CCSER1: variants seen among roughly 807,000 people sequenced by gnomAD.
CCSER1 encodes serine-rich coiled-coil domain-containing protein 1.
A neutral mutation model predicts 82.0 loss-of-function variants in CCSER1; 41 were observed. The ratio of observed to expected loss-of-function variants is 0.50; its 90% CI spans 0.39 to 0.65. The LOEUF is 0.65. Ranked by LOEUF, CCSER1 falls within the 30% of genes least tolerant of loss-of-function variation. The pLI is 0.00. For missense variants in CCSER1, 1,119 were observed against 1,064.2 expected, an observed-to-expected ratio of 1.05 and a Z score of -0.72; for synonymous variants, 414 against 383.9, an observed-to-expected ratio of 1.08 and a Z score of -0.92.
chr4:90,494,239 A>G (rs10010235), intron 5 of CCSER1, among the ~76,000 whole-genome samples: 2 of 152,204 alleles, frequency 1.3e-5, no homozygotes, highest in African/African-American at 4.8e-5. Flanking sequence ...TATGCACCCA[A>G]TACAGGAGCA....
intron 1 of CCSER1, among the ~76,000 whole-genome samples, chr4:90,299,797 C>G (rs934023904): frequency 1.3e-5 from 2 of 152,086 alleles, no homozygotes; most frequent in Admixed American, 6.6e-5. Flanking sequence ...CAAGTGTGAG[C>G]CCTGTTTAAA....
intron 10 of CCSER1, among the ~76,000 whole-genome samples, chr4:91,174,406 C>T (rs1183846916): frequency 2.6e-5 from 4 of 152,130 alleles, no homozygotes; most frequent in East Asian, 1.9e-4. Context: ...TTCCAAAAAA[C>T]ATGACAGAGA....
At chr4:90,716,489 G>T (rs1047120870) in intron 6 of CCSER1, among the ~76,000 whole-genome samples, 1 of 152,012 alleles carries the variant, frequency 6.6e-6, no homozygotes, top group African/African-American at 2.4e-5. Context: ...ACTTTTGTTA[G>T]CCAATTCTAA....
At chr4:91,354,704 G>A (rs560673956) in intron 10 of CCSER1, among the ~76,000 whole-genome samples, 2 of 152,302 alleles carry the variant, frequency 1.3e-5, no homozygotes, top group South Asian at 2.1e-4. Context: ...TTTGGGCTGG[G>A]AATTCATCAG....
intron 10 of CCSER1, among the ~76,000 whole-genome samples, chr4:91,376,970 A>G (rs946748913): frequency 1.1e-4 from 17 of 148,292 alleles, no homozygotes; most frequent in Non-Finnish European, 1.9e-4. Context: ...TCATTGTTCA[A>G]TTCCCACCTA....
intron 3 of CCSER1, among the ~76,000 whole-genome samples, chr4:90,387,831 G>A (rs1750297052): frequency 6.6e-6 from 1 of 152,078 alleles, no homozygotes; most frequent in Non-Finnish European, 1.5e-5. Context: ...TTTTCCCTTG[G>A]CTGGTATTTT....
intron 6 of CCSER1, among the ~76,000 whole-genome samples, chr4:90,690,445 G>A (rs1735614037): frequency 6.6e-6 from 1 of 152,032 alleles, no homozygotes; most frequent in South Asian, 2.1e-4. Context: ...TCAGTGTCTT[G>A]TGTTTGCTTT....
chr4:90,383,110 G>A (rs896312675), intron 3 of CCSER1, among the ~76,000 whole-genome samples: 20 of 152,062 alleles, frequency 1.3e-4, no homozygotes, highest in African/African-American at 3.1e-4. Context: ...AATGTTGACC[G>A]TAGCCAATGA....
chr4:91,358,578 A>G (rs1266420033), intron 10 of CCSER1, among the ~76,000 whole-genome samples: 1 of 152,066 alleles, frequency 6.6e-6, no homozygotes. Context: ...GTATCCAGCA[A>G]TTCAAGTCAA....
intron 10 of CCSER1, among the ~76,000 whole-genome samples, chr4:91,367,012 A>T (rs1348592166): frequency 3.3e-5 from 5 of 151,598 alleles, no homozygotes; most frequent in Non-Finnish European, 7.4e-5. Flanking sequence ...AAATATTAAG[A>T]GCTGAGCACA....
chr4:90,307,306 A>G (rs1734477796), intron 1 of CCSER1, among the ~76,000 whole-genome samples: 1 of 151,812 alleles, frequency 6.6e-6, no homozygotes. Context: ...TATGCTTCTG[A>G]TTCTCTCAGT....
chr4:90,400,548 A>G (rs1561168407), intron 4 of CCSER1, among the ~76,000 whole-genome samples: 1 of 152,136 alleles, frequency 6.6e-6, no homozygotes, highest in Non-Finnish European at 1.5e-5. Context: ...CACTTCCTAC[A>G]TAGGTTAATG....
chr4:90,454,765 A>G (rs955677361), intron 4 of CCSER1, among the ~76,000 whole-genome samples: 7 of 152,154 alleles, frequency 4.6e-5, no homozygotes, highest in Admixed American at 3.9e-4. Flanking sequence ...TTCTTCCAGG[A>G]GAGTTAAAAT....
chr4:91,435,918 A>G (rs368592560), intron 10 of CCSER1, among the ~76,000 whole-genome samples: 24 of 152,242 alleles, frequency 1.6e-4, no homozygotes, highest in East Asian at 7.7e-4. Flanking sequence ...ACTGGAACGC[A>G]ACATCATAAG....
rs530348182 is a variant in CCSER1, at chr4:90,405,089, G to A, written c.1603+4960G>A. On this transcript the variant is annotated intron_variant, in intron 4 of 10. Coordinates refer to ENST00000509176, the MANE Select transcript of CCSER1 (RefSeq NM_001145065.2). ...GAAGGAGGCACCAGAGAAAGGTGAA[G>A]TCCAACTTAAAGAAATAAAAAACAT... is the stretch of plus-strand genomic sequence containing the variant. Among the ~76,000 whole-genome samples the A allele has an allele frequency of 1.4e-4, 21 of 152,062 alleles. No homozygotes were observed. In the South Asian group the frequency reaches 3.7e-3, roughly 27 times the overall value.
At chr4:91,348,173 T>G (rs2149295865) in intron 10 of CCSER1, among the ~76,000 whole-genome samples, 1 of 152,256 alleles carries the variant, frequency 6.6e-6, no homozygotes, top group South Asian at 2.1e-4. Context: ...CTGATGGTTT[T>G]ACTTATGAAT....
intron 7 of CCSER1, chr4:90,781,363 G>A (rs933380942): frequency 3.0e-6 from 3 of 985,402 alleles, no homozygotes; most frequent in Non-Finnish European, 2.4e-6. Context: ...TACTGTATCT[G>A]TGGAATCCTG....
chr4:90,254,978 AACACACACACAC>A (rs142987718), intron 1 of CCSER1, among the ~76,000 whole-genome samples: 3 of 143,016 alleles, frequency 2.1e-5, no homozygotes, highest in Non-Finnish European at 3.1e-5. Context: ...CATATATATC[AACACACACACAC>A]ACACACACAC....
At chr4:90,582,206 G>A (rs1309437812) in intron 5 of CCSER1, among the ~76,000 whole-genome samples, 1 of 152,032 alleles carries the variant, frequency 6.6e-6, no homozygotes, top group African/African-American at 2.4e-5. Flanking sequence ...AACTTGTATT[G>A]TGGCTCAAGG....
Sources: allele counts gnomAD v4.1 joint callset (sites outside exome capture counted in the v4.1 genomes callset), GRCh38; gene constraint gnomAD v4.1.1; transcripts MANE v1.5; gene names NCBI Gene and HGNC (gene_info 2026-07-23, HGNC 2026-07-21).